ADAM28: variants seen among roughly 807,000 people sequenced by gnomAD.
The protein encoded by ADAM28 is disintegrin and metalloproteinase domain-containing protein 28.
Under a neutral mutation model 101.2 loss-of-function variants are expected in ADAM28, and 105 were observed. The observed-to-expected ratio is 1.04, with a 90% CI of 0.89 to 1.22. The LOEUF (loss-of-function observed/expected upper bound fraction) is 1.22. Ranked by LOEUF, ADAM28 falls within the 50% of genes most tolerant of loss-of-function variation. The pLI, the probability that ADAM28 is intolerant of heterozygous loss-of-function variation, is 0.00. For missense variants in ADAM28, 1,028 were observed against 945.4 expected (o/e 1.09, Z -1.15); for synonymous variants, 322 against 310.6 (o/e 1.04, Z -0.39).
rs936843897 is a variant in ADAM28 at position 24,311,434 on chromosome 8, T to A, written c.380T>A (p.Leu127Gln). ...GCTAGCATCAGCACATGTAGGGGTC[T>A]AAGGTAAGACTTCAGGAATGTTTTG... Reference protein sequence around the residue: ...SDASISTCRGLRGYFSQGDQR... With the variant: ...SDASISTCRGQRGYFSQGDQR... Residue 127 changes from leucine to glutamine, a missense_variant, in exon 5 of 23, where the codon CTA becomes CAA. Coordinates refer to ENST00000265769, the MANE Select transcript of ADAM28 (RefSeq NM_014265.6). 1.2e-6 allele frequency: 2 copies of A among 1,612,140 alleles called. No individual in the cohort carries two copies. The highest frequency in any genetic ancestry group is 1.3e-5 in the African/African-American group (1 of 74,848).
chr8:24,302,041 C>G (rs759141059), intron 2 of ADAM28, among the ~76,000 whole-genome samples: 2 of 152,094 alleles, frequency 1.3e-5, no homozygotes, highest in Non-Finnish European at 2.9e-5. Context: ...CAACCCATCA[C>G]CTAGGTTTTA....
chr8:24,298,114 C>A (rs1199151665), intron 1 of ADAM28, among the ~76,000 whole-genome samples: 3 of 152,136 alleles, frequency 2.0e-5, no homozygotes, highest in African/African-American at 7.2e-5. Flanking sequence ...ATGCATAAAT[C>A]ATAAACCACT....
chr8:24,353,894 GGCCC>G, intron 22 of ADAM28, 62 bp downstream of exon 22: 1 of 1,174,594 alleles, frequency 8.5e-7, no homozygotes, highest in Non-Finnish European at 1.2e-6. Context: ...GTCAAGAGAA[GGCCC>G]ACCATGTCTT....
In ADAM28 at chr8:24,310,238, T is replaced by C. The variant is rs147958972; in HGVS notation, c.303T>C (p.Ile101=). The C allele has an allele frequency of 5.5e-4, 892 of 1,612,512 alleles. 3 individuals carry two copies. The African/African-American group carries it at 0.011, about 20-fold the overall frequency. Residue 101 remains isoleucine (I), a synonymous_variant, in exon 4 of 23, where the codon ATT becomes ATC. Coordinates refer to ENST00000265769, the MANE Select transcript of ADAM28 (RefSeq NM_014265.6). ...AGGAGATCACCACAAGCCCACAAAT[T>C]ATGGTATAACGGAGTCTCTTCAATT... ...TGKEITTSPQ[I]MDDCYYQGHI...
chr8:24,326,266 A>G (rs1017809674), intron 9 of ADAM28, among the ~76,000 whole-genome samples: 3 of 152,022 alleles, frequency 2.0e-5, no homozygotes, highest in Non-Finnish European at 4.4e-5. Context: ...AAGACCAAAA[A>G]TAGCCTTTCT....
Position 24,298,813 on chromosome 8 carries a change from G to A in ADAM28, c.47-1161G>A, listed in dbSNP as rs191820577. Among the ~76,000 whole-genome samples the A allele has an allele frequency of 7.9e-4, 121 of 152,256 alleles. 3 individuals carry two copies. In the East Asian group the frequency reaches 0.016, roughly 21 times the overall value. On this transcript the variant is annotated intron_variant, in intron 1 of 22. Transcript: ENST00000265769. ...GGAGCAGGTCTATCGACTATATACAGAGCAGAGACTAGACCACATGGGCAA... is the reference window on the plus strand; with the variant it reads ...GGAGCAGGTCTATCGACTATATACAAAGCAGAGACTAGACCACATGGGCAA...
chr8:24,329,107 T>C (rs1813008966), intron 10 of ADAM28, among the ~76,000 whole-genome samples: 2 of 152,096 alleles, frequency 1.3e-5, no homozygotes, highest in Admixed American at 6.6e-5. Context: ...CTTTTTGGCT[T>C]GCATTTTTCC....
chr8:24,306,721 A>G (rs1399610213), intron 2 of ADAM28, among the ~76,000 whole-genome samples: 1 of 152,128 alleles, frequency 6.6e-6, no homozygotes, highest in African/African-American at 2.4e-5. Context: ...TTTATCTGAG[A>G]TTCACATTTA....
chr8:24,295,430 C>T (rs1333377365), intron 1 of ADAM28, among the ~76,000 whole-genome samples: 1 of 152,048 alleles, frequency 6.6e-6, no homozygotes, highest in Non-Finnish European at 1.5e-5. Flanking sequence ...TTAACATTGA[C>T]CTGAAATTCC....
rs1171306436 is a variant in ADAM28 at position 24,351,413 on chromosome 8, T to C, written c.2178+103T>C. ...CTATCATTTCTACCCAGCAGCGTTTTGCAGTAACACATTCAGAAATGTCTC... is the reference window on the plus strand; with the variant it reads ...CTATCATTTCTACCCAGCAGCGTTTCGCAGTAACACATTCAGAAATGTCTC... On this transcript the variant is annotated intron_variant, in intron 20 of 22. Coordinates refer to ENST00000265769, the MANE Select transcript of ADAM28 (RefSeq NM_014265.6). The C allele has an allele frequency of 7.3e-6, 9 of 1,224,654 alleles. 1 individual carries two copies. In the South Asian group the frequency reaches 1.1e-4, roughly 15 times the overall value. 75.9% of individuals were successfully genotyped at this position (1,224,654 alleles called of 1,614,324 possible). A position where few individuals can be genotyped will look rare whatever the true frequency, so the allele number is the denominator to read the frequency against.
At chr8:24,316,799 A>T (rs1263851746) in intron 6 of ADAM28, among the ~76,000 whole-genome samples, 1 of 152,026 alleles carries the variant, frequency 6.6e-6, no homozygotes, top group Non-Finnish European at 1.5e-5. Context: ...AGATGAAATG[A>T]TTCTACCTGT....
chr8:24,351,927 C>G (rs1816204507), intron 20 of ADAM28, 60 bp from the exon 21 acceptor site: 1 of 1,578,042 alleles, frequency 6.3e-7, no homozygotes, highest in African/African-American at 1.3e-5. Context: ...TTAAAAATTA[C>G]TTAAAAACTG....
intron 14 of ADAM28, among the ~76,000 whole-genome samples, chr8:24,336,642 A>T (rs1004299410): frequency 6.6e-6 from 1 of 151,858 alleles, no homozygotes; most frequent in African/African-American, 2.4e-5. Flanking sequence ...TCAATTTTAG[A>T]TCATAAGTGA....
chr8:24,353,859 T>C (rs762416905), intron 22 of ADAM28, 27 bp downstream of exon 22: 2 of 1,423,104 alleles, frequency 1.4e-6, no homozygotes, highest in East Asian at 2.3e-5. Context: ...CAAATTATTA[T>C]ATTCTTGTAT....
rs147269596 is a variant in ADAM28, at chr8:24,339,531, C to G, written c.1633C>G (p.Arg545Gly). The change falls in exon 15 of 23, where the codon CGC becomes GGC. Residue 545 changes from arginine (R) to glycine (G), a missense_variant. Arg to Gly is a moderately radical substitution (Grantham distance 125, BLOSUM62 -2). Transcript: ENST00000265769. ...NEGGSKYGYCRRVDDTLIPCK... is the reference protein window; with the variant it reads ...NEGGSKYGYCGRVDDTLIPCK... ...AGGTGGGTCAAAGTACGGGTACTGT[C>G]GCAGAGTGGATGACACACTCATTCC... 1.2e-6 allele frequency: 2 copies of G among 1,612,894 alleles called. No homozygotes were observed. Among genetic ancestry groups the G allele is most frequent in the Admixed American group, 1.7e-5 (1 of 59,896 alleles).
At chr8:24,318,760 G>A (rs959648796) in intron 6 of ADAM28, among the ~76,000 whole-genome samples, 12 of 151,788 alleles carry the variant, frequency 7.9e-5, no homozygotes, top group African/African-American at 2.9e-4. Context: ...ATCAGCAAGT[G>A]CCTCCGACAT....
chr8:24,344,910 T>A (rs1224583465), intron 18 of ADAM28, among the ~76,000 whole-genome samples: 1 of 152,116 alleles, frequency 6.6e-6, no homozygotes, highest in African/African-American at 2.4e-5. Flanking sequence ...CAAATATTTT[T>A]AATATTTCAA....
In ADAM28 at chr8:24,358,262, T is replaced by C. The variant is rs1816807795; in HGVS notation, c.*3858T>C. The C allele has an allele frequency of 1.3e-5, 2 of 152,234 alleles. No homozygotes were observed. The highest frequency in any genetic ancestry group is 4.8e-5 in the African/African-American group (2 of 41,474). 9.4% of individuals were successfully genotyped at this position (152,234 alleles called of 1,614,324 possible). On this transcript the variant is annotated 3_prime_UTR_variant, in exon 23 of 23. Transcript: ENST00000265769. ...TATTTCCTAAGTGTTATATTGCTATTTTTCAGTTGGTGCATCCAATATTAT... is the reference window on the plus strand; with the variant it reads ...TATTTCCTAAGTGTTATATTGCTATCTTTCAGTTGGTGCATCCAATATTAT...
chr8:24,298,102 G>C (rs1261566238), intron 1 of ADAM28, among the ~76,000 whole-genome samples: 1 of 152,070 alleles, frequency 6.6e-6, no homozygotes. Flanking sequence ...TTCTGTACTT[G>C]TATGCATAAA....
Sources: allele counts gnomAD v4.1 joint callset (sites outside exome capture counted in the v4.1 genomes callset), GRCh38; gene constraint gnomAD v4.1.1; transcripts MANE v1.5; gene names NCBI Gene and HGNC (gene_info 2026-07-23, HGNC 2026-07-21).